Variants in PLEKHA5 observed in about 807,000 individuals in gnomAD.
The protein encoded by PLEKHA5 is pleckstrin homology domain containing A5, also known as pleckstrin homology domain-containing family A member 5.
A neutral mutation model predicts 181.9 loss-of-function variants in PLEKHA5; 55 were observed. The observed-to-expected ratio is 0.30, with a 90% CI of 0.24 to 0.38. The LOEUF is 0.38. PLEKHA5 is among the 10% of genes least tolerant of loss of function. The pLI is 1.00. For synonymous variants in PLEKHA5, 535 were observed against 529.4 expected (o/e 1.01, Z -0.15); for missense variants, 1,432 against 1,549.5 (o/e 0.92, Z 1.27).
rs2033118927 is a variant in PLEKHA5, at chr12:19,130,242, C to CG, written c.169+116dup. 1 of 520,524 alleles carries CG rather than the reference C, an allele frequency of 1.9e-6. No homozygotes were observed. 32.2% of individuals were successfully genotyped at this position (520,524 alleles called of 1,614,324 possible). ...CCGCGGGCCCCGGGAGGCGGCGAGGCGGGGCGGAGGCCGGGCGGGAGCGGC... is the reference window on the plus strand; with the variant it reads ...CCGCGGGCCCCGGGAGGCGGCGAGGCGGGGGCGGAGGCCGGGCGGGAGCGGC... On this transcript the variant is annotated intron_variant, in intron 2 of 31. Transcript: ENST00000429027. The surrounding 1 kb of genome is among the most constrained non-coding windows in gnomAD (Gnocchi z 4.5).
At chr12:19,220,404 G>A (rs1404415368) in intron 3 of PLEKHA5, among the ~76,000 whole-genome samples, 1 of 152,042 alleles carries the variant, frequency 6.6e-6, no homozygotes, top group Non-Finnish European at 1.5e-5. Context: ...CATTAAGTTT[G>A]ACAGAGGTAT....
At chr12:19,341,553 T>C (rs745747874) in intron 21 of PLEKHA5, among the ~76,000 whole-genome samples, 23 of 152,222 alleles carry the variant, frequency 1.5e-4, no homozygotes, top group Admixed American at 2.0e-4. Context: ...TCTTTTTTTT[T>C]ACTTTTTGAT....
intron 8 of PLEKHA5, among the ~76,000 whole-genome samples, chr12:19,269,397 A>G (rs1432129550): frequency 1.1e-3 from 158 of 146,188 alleles, no homozygotes; most frequent in Non-Finnish European, 1.7e-3. Flanking sequence ...AAAAAAAAGA[A>G]AAAAAAAAAA....
chr12:19,265,703 T>G (rs373613729), intron 7 of PLEKHA5, 47 bp from the exon 8 acceptor site: 19 of 1,104,412 alleles, frequency 1.7e-5, no homozygotes, highest in Non-Finnish European at 2.6e-5. Flanking sequence ...AAACTTTGCT[T>G]CATAAGAACA....
At chr12:19,168,184 G>A (rs746732080) in intron 3 of PLEKHA5, among the ~76,000 whole-genome samples, 7 of 152,124 alleles carry the variant, frequency 4.6e-5, no homozygotes, top group Non-Finnish European at 1.0e-4. Context: ...TAGGATTTAA[G>A]CTATTCTTAG....
rs1204941784 is a variant in PLEKHA5, at chr12:19,277,397, G to T, written c.1313+2414G>T. ...TTGTGAAGTATAAATACTAGTTTTA[G>T]GTTCCTTTATGAGTGTAATTAATAT... On this transcript the variant is annotated intron_variant, in intron 11 of 31. Coordinates refer to ENST00000429027, the MANE Select transcript of PLEKHA5 (RefSeq NM_001256470.2). Among the ~76,000 whole-genome samples the T allele has an allele frequency of 2.0e-5, 3 of 152,108 alleles. No homozygotes were observed. The East Asian group carries it at 5.8e-4, about 29-fold the overall frequency.
At chr12:19,360,754 A>T (rs1444097960) in intron 28 of PLEKHA5, among the ~76,000 whole-genome samples, 2 of 118,646 alleles carry the variant, frequency 1.7e-5, no homozygotes, top group East Asian at 4.2e-4. Context: ...TCTTAGCAAT[A>T]TGCACCATCT....
intron 15 of PLEKHA5, among the ~76,000 whole-genome samples, chr12:19,311,780 T>A (rs529775942): frequency 7.9e-5 from 12 of 152,164 alleles, no homozygotes; most frequent in Non-Finnish European, 1.8e-4. Context: ...GAACCAGTGT[T>A]TTCAAACTTC....
chr12:19,203,050 T>C (rs2054557217), intron 3 of PLEKHA5, among the ~76,000 whole-genome samples: 1 of 152,050 alleles, frequency 6.6e-6, no homozygotes, highest in Non-Finnish European at 1.5e-5. Context: ...ATAAGTGATA[T>C]ATAAGGATTT....
In PLEKHA5 at chr12:19,287,500, G is replaced by C; in HGVS notation, c.1807G>C (p.Val603Leu). The C allele has an allele frequency of 1.9e-6, 3 of 1,611,420 alleles. No individual in the cohort carries two copies. The highest frequency in any genetic ancestry group is 2.5e-6 in the Non-Finnish European group (3 of 1,178,076). ...KHVYVPDRRS[V>L]PAGLTLQSVS... The stretch of plus-strand genomic sequence containing the variant: ...TGTCTATGTGCCTGACAGAAGGTCA[G>C]TGCCAGCTGGCCTGACTTTACAGTC... The change falls in exon 13 of 32, where the codon GTG (valine) becomes CTG (leucine). Residue 603 changes from valine to leucine, a missense_variant. By Grantham distance (32) the Val-to-Leu change is conservative. Around this residue, in one of 2 missense-constraint regions of PLEKHA5, gnomAD observed 1,143 missense variants for 1,168.4 expected, o/e 0.98. Transcript: ENST00000429027.
At chr12:19,237,854 T>A (rs1282112141) in intron 3 of PLEKHA5, among the ~76,000 whole-genome samples, 1 of 151,968 alleles carries the variant, frequency 6.6e-6, no homozygotes, top group East Asian at 1.9e-4. Context: ...AAAAGTAGGT[T>A]ATGTTGGGTA....
chr12:19,182,884 G>A (rs2048933586), intron 3 of PLEKHA5, among the ~76,000 whole-genome samples: 1 of 152,170 alleles, frequency 6.6e-6, no homozygotes, highest in Admixed American at 6.5e-5. Context: ...CAACTATTTG[G>A]TGTCAGTGTG....
At chr12:19,320,528 T>C in intron 17 of PLEKHA5, 34 bp from the exon 18 acceptor site, 1 of 1,021,298 alleles carries the variant, frequency 9.8e-7, no homozygotes, top group South Asian at 1.4e-5. Context: ...TTAAATAAGA[T>C]TTTTTAAGTT....
chr12:19,246,118 A>G (rs1052390440), intron 3 of PLEKHA5, among the ~76,000 whole-genome samples: 11 of 151,108 alleles, frequency 7.3e-5, no homozygotes, highest in African/African-American at 1.9e-4. Flanking sequence ...AGCTGGGACT[A>G]CAGGCGCCCG....
chr12:19,374,358 A>G (rs1025069108), intron 31 of PLEKHA5, among the ~76,000 whole-genome samples: 1 of 151,684 alleles, frequency 6.6e-6, no homozygotes, highest in Non-Finnish European at 1.5e-5. Context: ...CTGTATTGCT[A>G]TTTATAATCA....
chr12:19,155,943 CCCT>C (rs2041583683), intron 3 of PLEKHA5, among the ~76,000 whole-genome samples: 2 of 152,098 alleles, frequency 1.3e-5, no homozygotes, highest in Non-Finnish European at 2.9e-5. Context: ...GTTGAGTAGC[CCCT>C]TTCTCTGTGA....
intron 11 of PLEKHA5, among the ~76,000 whole-genome samples, chr12:19,278,965 C>T (rs747594917): frequency 3.9e-5 from 6 of 151,944 alleles, no homozygotes; most frequent in South Asian, 2.1e-4. Context: ...TTAGGAGAAA[C>T]GGTTGAAAGA....
chr12:19,154,726 T>G (rs1017186379), intron 3 of PLEKHA5: 2 of 152,236 alleles, frequency 1.3e-5, no homozygotes, highest in Non-Finnish European at 2.9e-5. Flanking sequence ...ATTTAAAAAC[T>G]GGAATCTACT....
intron 11 of PLEKHA5, among the ~76,000 whole-genome samples, chr12:19,279,638 C>G (rs79337077): frequency 6.7e-6 from 1 of 149,924 alleles, no homozygotes; most frequent in Admixed American, 6.7e-5. Flanking sequence ...CCAGCCTGGA[C>G]GACAGAGTGA....
Sources: gnomAD v4.1 joint callset for allele counts (sites outside exome capture counted in the v4.1 genomes callset) on GRCh38, gnomAD v4.1.1 for gene constraint, gnomAD v4.1.1 regional missense constraint, Gnocchi (gnomAD v3.1) non-coding constraint, MANE v1.5 for transcripts, NCBI Gene and HGNC (gene_info 2026-07-23, HGNC 2026-07-21) for gene names.